SLC35F3: variants seen among roughly 807,000 people sequenced by gnomAD.
SLC35F3 encodes the protein putative thiamine transporter SLC35F3.
SLC35F3 carries 25 observed loss-of-function variants against 49.9 expected under a neutral mutation model. That is an observed-to-expected ratio of 0.50 (90% CI 0.37 to 0.70). The LOEUF (loss-of-function observed/expected upper bound fraction) is 0.70. Among genes scored for constraint, SLC35F3 ranks in the 30% least tolerant of loss-of-function variants. The pLI is 0.00. For synonymous variants in SLC35F3, 275 were observed against 265.4 expected (o/e 1.04, Z -0.35); for missense variants, 525 against 639.8 (o/e 0.82, Z 1.94).
At chr1:234,092,891 GATAA>G (rs1665064891) in intron 2 of SLC35F3, among the ~76,000 whole-genome samples, 1 of 152,106 alleles carries the variant, frequency 6.6e-6, no homozygotes, top group Non-Finnish European at 1.5e-5. Flanking sequence ...TAAATTAAAA[GATAA>G]ATAAAATAAA....
intron 2 of SLC35F3, among the ~76,000 whole-genome samples, chr1:234,054,972 C>T (rs568089977): frequency 8.2e-4 from 125 of 152,274 alleles, no homozygotes; most frequent in African/African-American, 2.8e-3. Flanking sequence ...TATTGCAGAA[C>T]GGCAAATGTT....
intron 2 of SLC35F3, among the ~76,000 whole-genome samples, chr1:234,076,680 C>T (rs903774619): frequency 5.3e-5 from 8 of 152,108 alleles, no homozygotes; most frequent in Middle Eastern, 3.4e-3. Context: ...AGGCTGTTCT[C>T]GAACTCATGA....
rs1055077724 is a variant in SLC35F3, at chr1:233,905,528, G to A, written c.54-1G>A. ...CCTGCCCGTGGCGCCTGCGACCGCA[G>A]TGGCATGAGGAGGTCACCGGACGTC... On this transcript the variant is annotated splice_acceptor_variant, in intron 1 of 7. Transcript: ENST00000366618. LOFTEE classifies it high-confidence loss of function. 6 of 1,611,256 alleles carry A rather than the reference G, an allele frequency of 3.7e-6. No individual in the cohort carries two copies. In the African/African-American group the frequency reaches 8.0e-5, roughly 22 times the overall value.
intron 2 of SLC35F3, among the ~76,000 whole-genome samples, chr1:234,088,368 C>A (rs1664991034): frequency 6.6e-6 from 1 of 152,138 alleles, no homozygotes; most frequent in Non-Finnish European, 1.5e-5. Context: ...CAACCATGCG[C>A]AGCTAATTTT....
intron 2 of SLC35F3, among the ~76,000 whole-genome samples, chr1:234,058,856 T>C (rs975968814): frequency 1.3e-5 from 2 of 152,196 alleles, no homozygotes. Flanking sequence ...TCTTTACTCA[T>C]TATGTATCTA....
intron 2 of SLC35F3, among the ~76,000 whole-genome samples, chr1:233,947,278 A>G (rs544163425): frequency 6.6e-6 from 1 of 152,358 alleles, no homozygotes; most frequent in South Asian, 2.1e-4. Flanking sequence ...TCTATGCCAC[A>G]TAGGGCATAT....
In SLC35F3 at chr1:234,058,328, A is replaced by ATTTTTTTTT. The variant is rs56960667; in HGVS notation, c.283+152592_283+152600dup. On this transcript the variant is annotated intron_variant, in intron 2 of 7. Transcript: ENST00000366618. ...TAATTGTCTTTATAAATGTTCCTGAATTTTTTTTTTTTTTTTTTTTTTTTT... is the reference window on the plus strand; with the variant it reads ...TAATTGTCTTTATAAATGTTCCTGAATTTTTTTTTTTTTTTTTTTTTTTTTTTTTTTTTT... 2.6e-3 allele frequency among the ~76,000 whole-genome samples: 105 copies of ATTTTTTTTT among 39,792 alleles called. 28 individuals carry two copies. The highest frequency in any genetic ancestry group is 0.012 in the African/African-American group (88 of 7,282). The allele number at this position is 39,792 out of a possible 152,430, so 26.1% of individuals were successfully genotyped here. A position where few individuals can be genotyped will look rare whatever the true frequency, so the allele number is the denominator to read the frequency against.
rs539104888 is a variant in SLC35F3, at chr1:234,117,188, G to T, written c.284-114229G>T. ...GCGAGGACTAAGTATCCCTTTGTTG[G>T]GCCTACCCCTGCTGACACTAAGCAT... On this transcript the variant is annotated intron_variant, in intron 2 of 7. Coordinates refer to ENST00000366618, the MANE Select transcript of SLC35F3 (RefSeq NM_173508.4). 7.9e-5 allele frequency among the ~76,000 whole-genome samples: 12 copies of T among 152,202 alleles called. No individual in the cohort carries two copies. In the South Asian group the frequency reaches 1.7e-3, roughly 21 times the overall value.
chr1:234,096,904 C>G (rs77929035), intron 2 of SLC35F3, among the ~76,000 whole-genome samples: 1 of 55,592 alleles, frequency 1.8e-5, no homozygotes, highest in Middle Eastern at 9.3e-3. Context: ...TTTTTTTTTT[C>G]TTGAGACGGA....
intron 4 of SLC35F3, among the ~76,000 whole-genome samples, chr1:234,312,851 AG>A (rs1572148326): frequency 2.8e-5 from 4 of 140,826 alleles, no homozygotes; most frequent in African/African-American, 1.1e-4. Flanking sequence ...TGTTTTTTTT[AG>A]GTTTTTTTGT....
intron 2 of SLC35F3, among the ~76,000 whole-genome samples, chr1:233,985,727 G>A (rs181099061): frequency 6.6e-6 from 1 of 152,248 alleles, no homozygotes; most frequent in East Asian, 1.9e-4. Flanking sequence ...TGACCATGTT[G>A]GATAATTCTC....
intron 6 of SLC35F3, 101 bp downstream of exon 6, chr1:234,319,044 A>C (rs1422116831): frequency 2.1e-6 from 2 of 948,522 alleles, no homozygotes; most frequent in Non-Finnish European, 3.2e-6. Context: ...GCTCTTTGCT[A>C]TTCTTTAGTT....
chr1:233,969,538 A>G (rs779136470), intron 2 of SLC35F3, among the ~76,000 whole-genome samples: 27 of 152,152 alleles, frequency 1.8e-4, no homozygotes, highest in Non-Finnish European at 2.9e-4. Context: ...AGTGAGAGGA[A>G]GATTAGCTGT....
At chr1:233,981,935 T>C (rs1324588071) in intron 2 of SLC35F3, among the ~76,000 whole-genome samples, 1 of 152,154 alleles carries the variant, frequency 6.6e-6, no homozygotes, top group Non-Finnish European at 1.5e-5. Flanking sequence ...GAACGTTTTT[T>C]TGTTGTTGTT....
At chr1:234,005,733 A>C (rs538784372) in intron 2 of SLC35F3, among the ~76,000 whole-genome samples, 1 of 152,284 alleles carries the variant, frequency 6.6e-6, no homozygotes, top group African/African-American at 2.4e-5. Flanking sequence ...TCTTGAAGTG[A>C]GAGTTACAGG....
intron 2 of SLC35F3, among the ~76,000 whole-genome samples, chr1:234,067,841 G>A (rs1664645358): frequency 6.6e-6 from 1 of 152,206 alleles, no homozygotes; most frequent in Non-Finnish European, 1.5e-5. Flanking sequence ...AAATGAAGGG[G>A]TCATGGGTCA....
chr1:233,999,516 C>T (rs1663516381), intron 2 of SLC35F3, among the ~76,000 whole-genome samples: 1 of 152,162 alleles, frequency 6.6e-6, no homozygotes, highest in Admixed American at 6.5e-5. Flanking sequence ...GGGGATTCTG[C>T]TTTGCCGGAC....
Position 234,196,835 on chromosome 1 carries a change from C to T in SLC35F3, c.284-34582C>T, listed in dbSNP as rs143893970. On this transcript the variant is annotated intron_variant, in intron 2 of 7. Coordinates refer to ENST00000366618, the MANE Select transcript of SLC35F3 (RefSeq NM_173508.4). ...CACATGCCTGTAATCCCAGCTACTCCGGAGGCTGAGGCAGGAGAATTGCTT... is the reference window on the plus strand; with the variant it reads ...CACATGCCTGTAATCCCAGCTACTCTGGAGGCTGAGGCAGGAGAATTGCTT... Among the ~76,000 whole-genome samples, 725 of 152,136 alleles carry T rather than the reference C, an allele frequency of 4.8e-3. 6 individuals carry two copies. Among genetic ancestry groups the T allele is most frequent in the African/African-American group, 0.016 (680 of 41,508 alleles).
chr1:234,295,485 T>C (rs1668577129), intron 3 of SLC35F3, among the ~76,000 whole-genome samples: 2 of 152,156 alleles, frequency 1.3e-5, no homozygotes, highest in South Asian at 4.1e-4. Context: ...AGTCTCTCGA[T>C]TGCAAGCACG....
Sources: gnomAD v4.1 joint callset for allele counts (sites outside exome capture counted in the v4.1 genomes callset) on GRCh38, gnomAD v4.1.1 for gene constraint, MANE v1.5 for transcripts, NCBI Gene and HGNC (gene_info 2026-07-23, HGNC 2026-07-21) for gene names.